Variants in GRAMD1A observed in about 807,000 individuals in gnomAD.
GRAMD1A encodes the protein protein Aster-A.
Under a neutral mutation model 92.0 loss-of-function variants are expected in GRAMD1A, and 50 were observed. The ratio of observed to expected loss-of-function variants is 0.54; its 90% CI spans 0.43 to 0.69. The LOEUF (loss-of-function observed/expected upper bound fraction) is 0.69. Ranked by LOEUF, GRAMD1A falls within the 30% of genes least tolerant of loss-of-function variation. The pLI is 0.00. For synonymous variants in GRAMD1A, 405 were observed against 403.6 expected (o/e 1.00, Z -0.04); for missense variants, 819 against 978.9 (o/e 0.84, Z 2.18).
At chr19:34,994,996 G>A (rs545309649) in intron 1 of GRAMD1A, among the ~76,000 whole-genome samples, 20 of 152,306 alleles carry the variant, frequency 1.3e-4, no homozygotes, top group Middle Eastern at 3.4e-3. Context: ...GAGAGACTGC[G>A]GTCTGGCCTC....
upstream of GRAMD1A, chr19:34,996,302 G>A: frequency 6.7e-7 from 1 of 1,501,354 alleles, no homozygotes; most frequent in East Asian, 2.5e-5. Flanking sequence ...GTCAGACCTG[G>A]GCAGTGGGAC....
chr19:35,006,532 A>G (rs1448802313), intron 1 of GRAMD1A, among the ~76,000 whole-genome samples: 2 of 152,190 alleles, frequency 1.3e-5, no homozygotes, highest in African/African-American at 4.8e-5. Flanking sequence ...TCCCAACGCC[A>G]TCCCCACAGT....
At chr19:35,009,390 G>T in intron 2 of GRAMD1A, 33 bp from the exon 3 acceptor site, 1 of 1,614,100 alleles carries the variant, frequency 6.2e-7, no homozygotes, top group Non-Finnish European at 8.5e-7. Context: ...GTGATCTAGG[G>T]GCTCATCCTG....
chr19:35,016,096 G>A, intron 11 of GRAMD1A, 129 bp downstream of exon 11: 2 of 987,718 alleles, frequency 2.0e-6, no homozygotes, highest in Non-Finnish European at 3.0e-6. Flanking sequence ...AGCAATGTCT[G>A]TCAGACCAGA....
chr19:34,999,562 C>T (rs969176909), upstream of GRAMD1A: 1 of 152,314 alleles, frequency 6.6e-6, no homozygotes, highest in Non-Finnish European at 1.5e-5. Flanking sequence ...GAATCCAACT[C>T]TGCCGCCTAC....
At chr19:35,010,917 T>C (rs949452789) in intron 6 of GRAMD1A, among the ~76,000 whole-genome samples, 2 of 151,744 alleles carry the variant, frequency 1.3e-5, no homozygotes, top group Non-Finnish European at 2.9e-5. Flanking sequence ...CTGGGCAACA[T>C]AGTGAGACCC....
chr19:35,007,317 G>C (rs1368171774), intron 1 of GRAMD1A, among the ~76,000 whole-genome samples: 1 of 151,646 alleles, frequency 6.6e-6, no homozygotes, highest in African/African-American at 2.4e-5. Context: ...ATTTTGGGAG[G>C]CCGAGGTGGG....
chr19:35,013,485 G>A lies in GRAMD1A; in HGVS notation c.720-56G>A. On this transcript the variant is annotated intron_variant, in intron 8 of 19. Transcript: ENST00000317991. The surrounding 1 kb of genome is among the most constrained non-coding windows in gnomAD (Gnocchi z 4.9). ...GTTGTATGACGTCTGGAGGATTCAG[G>A]AGGGTGTATGGGGTCTCAAGGACAC... 1 of 1,569,006 alleles carries A rather than the reference G, an allele frequency of 6.4e-7. No homozygotes were observed. The highest frequency in any genetic ancestry group is 8.7e-7 in the Non-Finnish European group (1 of 1,147,176).
chr19:35,022,883 C>T lies in GRAMD1A; in HGVS notation c.1842-17C>T, dbSNP rs1158321458. The T allele has an allele frequency of 6.2e-7, 1 of 1,603,902 alleles. No individual in the cohort carries two copies. Among genetic ancestry groups the T allele is most frequent in the East Asian group, 2.2e-5 (1 of 44,634 alleles). On this transcript the variant is annotated splice_polypyrimidine_tract_variant and intron_variant, in intron 16 of 19. Transcript: ENST00000317991. ...CGGCGCTCATCTCTCTGTCTCCCCT[C>T]ACTGCTGCTGCTGCAGGATCTGTGT...
intron 19 of GRAMD1A, chr19:35,023,935 T>A (rs1325539404): frequency 3.0e-5 from 5 of 165,808 alleles, no homozygotes; most frequent in African/African-American, 1.2e-4. Context: ...GCTGCTGGGG[T>A]CCCAGGCCTA....
chr19:35,024,237 T>C (rs993974508), intron 19 of GRAMD1A, among the ~76,000 whole-genome samples: 21 of 152,124 alleles, frequency 1.4e-4, no homozygotes, highest in African/African-American at 4.8e-4. Context: ...TCAAAGACTG[T>C]TGTGAGGATG....
At chr19:35,018,629 CT>C (rs2015813184) in intron 11 of GRAMD1A, among the ~76,000 whole-genome samples, 1 of 152,206 alleles carries the variant, frequency 6.6e-6, no homozygotes, top group African/African-American at 2.4e-5. Flanking sequence ...CAAGATGCCC[CT>C]GGACCAGATG....
intron 6 of GRAMD1A, 181 bp downstream of exon 6, chr19:35,010,560 CT>C (rs2015161491): frequency 1.6e-6 from 1 of 606,428 alleles, no homozygotes; most frequent in African/African-American, 1.9e-5. Context: ...CCTCTCCTCT[CT>C]TTCCCTGCAA....
rs60437273 is a variant in GRAMD1A at position 35,003,143 on chromosome 19, C to CGTGTGT, written c.8+2687_8+2692dup. 3.8e-3 allele frequency among the ~76,000 whole-genome samples: 543 copies of CGTGTGT among 141,168 alleles called. 5 individuals carry two copies. Among genetic ancestry groups the CGTGTGT allele is most frequent in the African/African-American group, 7.9e-3 (286 of 36,340 alleles). 92.6% of individuals were successfully genotyped at this position (141,168 alleles called of 152,430 possible). ...ATACCTATGATGCTGTTGCTCTGTGCGTGTGTGTGTGTGTGTGTGTGTGTG... is the reference window on the plus strand; with the variant it reads ...ATACCTATGATGCTGTTGCTCTGTGCGTGTGTGTGTGTGTGTGTGTGTGTGTGTGTG... On this transcript the variant is annotated intron_variant, in intron 1 of 19. Transcript: ENST00000317991.
At chr19:35,017,768 C>T (rs536083645) in intron 11 of GRAMD1A, among the ~76,000 whole-genome samples, 13 of 152,234 alleles carry the variant, frequency 8.5e-5, no homozygotes, top group African/African-American at 3.1e-4. Context: ...CCCTTACCTT[C>T]CTCAGATCCC....
chr19:35,010,175 A>C lies in GRAMD1A; in HGVS notation c.409A>C (p.Ile137Leu). The C allele has an allele frequency of 6.2e-7, 1 of 1,612,792 alleles. No homozygotes were observed. The highest frequency in any genetic ancestry group is 8.5e-7 in the Non-Finnish European group (1 of 1,178,764). ...GAACTGGATCTGCTTCTACAGCAAC[A>C]TCTTCCGCTGGGAGACCACGGTGAG... ...SENWICFYSN[I>L]FRWETTISIQ... Residue 137 changes from isoleucine (I) to leucine (L), a missense_variant, in exon 5 of 20, where the codon ATC becomes CTC. Coordinates refer to ENST00000317991, the MANE Select transcript of GRAMD1A (RefSeq NM_020895.5).
At chr19:34,997,386 A>AC (rs1240785781), upstream of GRAMD1A, among the ~76,000 whole-genome samples, 2 of 145,104 alleles carry the variant, frequency 1.4e-5, no homozygotes, top group African/African-American at 5.3e-5. Flanking sequence ...AGGCCAAAAA[A>AC]ACAAAAAAAA....
rs766863713 is a variant in GRAMD1A at position 35,013,634 on chromosome 19, G to C, written c.813G>C (p.Ser271=). The change falls in exon 9 of 20, where the codon TCG becomes TCC. Residue 271 remains serine (S), a synonymous_variant. Transcript: ENST00000317991. This position sits in a 1 kb window ranked among gnomAD's most constrained non-coding sequence, Gnocchi z 4.9. ...GCCAGGAGCCAAGCCCAGTGGGTTC[G>C]CGCCGTGGCCATGTCACGCCCAACC... ...DRSQEPSPVG[S]RRGHVTPNLS... is the part of the protein sequence containing the mutation. The C allele has an allele frequency of 1.9e-6, 3 of 1,613,628 alleles. No homozygotes were observed. The highest frequency in any genetic ancestry group is 2.5e-6 in the Non-Finnish European group (3 of 1,179,906).
chr19:34,995,135 C>T (rs1482139023), intron 1 of GRAMD1A, among the ~76,000 whole-genome samples: 3 of 152,224 alleles, frequency 2.0e-5, no homozygotes, highest in Non-Finnish European at 4.4e-5. Flanking sequence ...GCTAAGCAAA[C>T]AGGGAAGGGG....
Sources: allele counts gnomAD v4.1 joint callset (sites outside exome capture counted in the v4.1 genomes callset), GRCh38; gene constraint gnomAD v4.1.1; non-coding constraint Gnocchi (gnomAD v3.1); transcripts MANE v1.5; gene names NCBI Gene and HGNC (gene_info 2026-07-23, HGNC 2026-07-21).